The following SLC25A23 variants were observed in gnomAD, a reference collection of about 807,000 sequenced individuals.
SLC25A23 encodes solute carrier family 25 member 23, also known as mitochondrial adenyl nucleotide antiporter SLC25A23.
SLC25A23 carries 32 observed loss-of-function variants against 53.9 expected under a neutral mutation model. The ratio of observed to expected loss-of-function variants is 0.59; its 90% CI spans 0.45 to 0.80. SLC25A23 has a LOEUF of 0.80. Among genes scored for constraint, SLC25A23 ranks in the 30% least tolerant of loss-of-function variants. The pLI is 0.00. For missense variants in SLC25A23, 575 were observed against 651.4 expected (o/e 0.88, Z 1.28); for synonymous variants, 275 against 264.5 (o/e 1.04, Z -0.38).
intron 2 of SLC25A23, 68 bp downstream of exon 2, chr19:6,458,130 C>T (rs1323949656): frequency 6.4e-7 from 1 of 1,574,150 alleles, no homozygotes; most frequent in Non-Finnish European, 8.6e-7. Flanking sequence ...AGTTCTAACC[C>T]CACTGATGTC....
chr19:6,456,076 A>C lies in SLC25A23; in HGVS notation c.483+344T>G, dbSNP rs568965800. 2.6e-5 allele frequency: 36 copies of C among 1,360,412 alleles called. No individual in the cohort carries two copies. In the African/African-American group the frequency reaches 4.1e-4, roughly 15 times the overall value. 84.3% of individuals were successfully genotyped at this position (1,360,412 alleles called of 1,614,324 possible). Reference sequence around the variant, plus strand: ...CGTAGAATCTTTTATCCAGGCAGAGAACCCAGCAGAAGAGAGCTGTGTGGG... The same window carrying C: ...CGTAGAATCTTTTATCCAGGCAGAGCACCCAGCAGAAGAGAGCTGTGTGGG... On this transcript the variant is annotated intron_variant, in intron 4 of 9. Coordinates refer to ENST00000301454, the MANE Select transcript of SLC25A23 (RefSeq NM_024103.3).
intron 3 of SLC25A23, among the ~76,000 whole-genome samples, chr19:6,456,825 G>A (rs946472400): frequency 4.6e-5 from 7 of 151,922 alleles, no homozygotes; most frequent in Non-Finnish European, 7.4e-5. Context: ...GACTACAGGT[G>A]CACACCACCA....
intron 8 of SLC25A23, among the ~76,000 whole-genome samples, chr19:6,444,860 G>C (rs947589720): frequency 7.2e-5 from 11 of 151,880 alleles, no homozygotes; most frequent in African/African-American, 2.4e-4. Context: ...GTAGAGACAG[G>C]GTTTCACCGT....
At chr19:6,456,638 A>G in intron 3 of SLC25A23, 107 bp from the exon 4 acceptor site, 1 of 721,854 alleles carries the variant, frequency 1.4e-6, no homozygotes, top group Non-Finnish European at 2.4e-6. Flanking sequence ...TCAAGTCCTC[A>G]TATCAACCCT....
At chr19:6,443,465 T>C (rs897808370) in intron 9 of SLC25A23, 5 of 595,488 alleles carry the variant, frequency 8.4e-6, no homozygotes, top group Non-Finnish European at 1.5e-5. Flanking sequence ...TGGACTCAAA[T>C]GATCCTTCCT....
chr19:6,444,587 G>A (rs1299165189), intron 8 of SLC25A23, among the ~76,000 whole-genome samples: 1 of 152,214 alleles, frequency 6.6e-6, no homozygotes, highest in African/African-American at 2.4e-5. Flanking sequence ...ATGGGATTCA[G>A]TTAAGGATCT....
At chr19:6,457,377 G>A (rs1203169588) in intron 3 of SLC25A23, 126 bp downstream of exon 3, 3 of 834,176 alleles carry the variant, frequency 3.6e-6, no homozygotes, top group South Asian at 3.2e-5. Flanking sequence ...AGATCTGTCT[G>A]ACTTCAAAGC....
chr19:6,452,407 G>A lies in SLC25A23; in HGVS notation c.976C>T (p.Leu326=). 6.2e-7 allele frequency: 1 copy of A among 1,613,912 alleles called. No individual in the cohort carries two copies. The highest frequency in any genetic ancestry group is 8.5e-7 in the Non-Finnish European group (1 of 1,179,964). ...AAGGCACGGGGCCCCTCCCTCTCCA[G>A]GATACGCCTGGCGCAGTCCAGCAGC... ...KGLLDCARRI[L]EREGPRAFYR... is the part of the protein sequence containing the mutation. Residue 326 remains leucine (L), a synonymous_variant, in exon 8 of 10, where the codon CTG becomes TTG. Transcript: ENST00000301454.
chr19:6,452,172 G>A, intron 8 of SLC25A23, 140 bp downstream of exon 8: 2 of 1,200,076 alleles, frequency 1.7e-6, no homozygotes, highest in Non-Finnish European at 2.3e-6. Flanking sequence ...GATTCCCAGG[G>A]CCAAGGTGCT....
intron 1 of SLC25A23, 62 bp from the exon 2 acceptor site, chr19:6,458,386 C>G: frequency 1.3e-6 from 2 of 1,565,126 alleles, no homozygotes; most frequent in African/African-American, 2.7e-5. Flanking sequence ...GGAGGGGACG[C>G]ATGTCACCTT....
At chr19:6,436,934 C>T (rs1240472236), downstream of SLC25A23, among the ~76,000 whole-genome samples, 3 of 151,956 alleles carry the variant, frequency 2.0e-5, no homozygotes, top group Non-Finnish European at 2.9e-5. Flanking sequence ...CTGCAACCTC[C>T]ACCTCCTGGG....
At chr19:6,442,342 C>T (rs73549021) in intron 9 of SLC25A23, among the ~76,000 whole-genome samples, 183 bp from the exon 10 acceptor site, 12,339 of 152,154 alleles carry the variant, frequency 0.081, 844 homozygotes, top group African/African-American at 0.19. Flanking sequence ...CTCACCTTTT[C>T]GCCCCAAGTT....
At position 6,454,625 on chromosome 19, in the gene SLC25A23, G is replaced by A. The variant is rs374394051; in HGVS notation, c.576C>T (p.Gly192=). 46 of 1,613,870 alleles carry A rather than the reference G, an allele frequency of 2.9e-5. No homozygotes were observed. The highest frequency in any genetic ancestry group is 1.2e-4 in the South Asian group (11 of 91,092). Residue 192 remains glycine (G), a synonymous_variant, in exon 5 of 10, where the codon GGC becomes GGT. Transcript: ENST00000301454. This position sits in a 1 kb window ranked among gnomAD's most constrained non-coding sequence, Gnocchi z 4.3. ...TGMWWKQLVA[G]AVAGAVSRTG... is the part of the protein sequence containing the mutation. ...TCCGTGACACGGCACCTGCCACTGC[G>A]CCGGCCACCAGCTGTTTCCACCACA...
In SLC25A23 at chr19:6,454,866, G is replaced by A; in HGVS notation, c.484-149C>T. On this transcript the variant is annotated intron_variant, in intron 4 of 9. Transcript: ENST00000301454. This position sits in a 1 kb window ranked among gnomAD's most constrained non-coding sequence, Gnocchi z 4.3. ...TTGGAGACCCCAGAAGAGTCCTGTT[G>A]GGTCCTACCAGGTGTCACCAAAGCA... The A allele has an allele frequency of 1.1e-6, 1 of 901,256 alleles. No homozygotes were observed. The highest frequency in any genetic ancestry group is 1.7e-6 in the Non-Finnish European group (1 of 603,698). The allele number at this position is 901,256 out of a possible 1,614,324, so 55.8% of individuals were successfully genotyped here. A position where few individuals can be genotyped will look rare whatever the true frequency, so the allele number is the denominator to read the frequency against.
intron 1 of SLC25A23, among the ~76,000 whole-genome samples, chr19:6,458,895 G>C (rs985560575): frequency 1.3e-5 from 2 of 152,168 alleles, no homozygotes; most frequent in Non-Finnish European, 2.9e-5. Flanking sequence ...TACAGGTGTG[G>C]GAAGGACCTG....
rs1018833669 is a variant in SLC25A23, at chr19:6,459,730, G to A, written c.-102C>T. On this transcript the variant is annotated 5_prime_UTR_variant, in exon 1 of 10. Transcript: ENST00000301454. This position sits in a 1 kb window ranked among gnomAD's most constrained non-coding sequence, Gnocchi z 4.6. ...GGGACCCCGCAGGGTCAGCTCCCGCGGCCGCCGGCTCCGCAGCCTCCGCGC... is the reference window on the plus strand; with the variant it reads ...GGGACCCCGCAGGGTCAGCTCCCGCAGCCGCCGGCTCCGCAGCCTCCGCGC... 9.8e-7 allele frequency: 1 copy of A among 1,020,326 alleles called. No homozygotes were observed. The allele number at this position is 1,020,326 out of a possible 1,614,324, so 63.2% of individuals were successfully genotyped here.
chr19:6,456,407 A>G lies in SLC25A23; in HGVS notation c.483+13T>C, dbSNP rs756547811. On this transcript the variant is annotated intron_variant, in intron 4 of 9. Transcript: ENST00000301454. Reference sequence around the variant, plus strand: ...GCACAGCCTTCAGCTGGGGAAAGCCACCCCCACCTCACCGTGGAATGCTTC... The same window carrying G: ...GCACAGCCTTCAGCTGGGGAAAGCCGCCCCCACCTCACCGTGGAATGCTTC... The G allele has an allele frequency of 3.0e-5, 48 of 1,610,156 alleles. No homozygotes were observed. Among genetic ancestry groups the G allele is most frequent in the Non-Finnish European group, 4.0e-5 (47 of 1,176,800 alleles).
At chr19:6,442,281 G>A in intron 9 of SLC25A23, 122 bp from the exon 10 acceptor site, 1 of 654,972 alleles carries the variant, frequency 1.5e-6, no homozygotes, top group Non-Finnish European at 2.6e-6. Flanking sequence ...TAGACTAACA[G>A]TGGGACCTAC....
At chr19:6,444,330 T>TGGGG in intron 8 of SLC25A23, 29 bp from the exon 9 acceptor site, 2 of 837,652 alleles carry the variant, frequency 2.4e-6, no homozygotes, top group Non-Finnish European at 3.8e-6. Context: ...TAGGGAGGGT[T>TGGGG]GGGGTGGGTG....
Sources: allele counts gnomAD v4.1 joint callset (sites outside exome capture counted in the v4.1 genomes callset), GRCh38; gene constraint gnomAD v4.1.1; non-coding constraint Gnocchi (gnomAD v3.1); transcripts MANE v1.5; gene names NCBI Gene and HGNC (gene_info 2026-07-23, HGNC 2026-07-21).